Variants in LSAMP observed in about 807,000 individuals in gnomAD.
LSAMP encodes the protein limbic system associated membrane protein, also known as limbic system-associated membrane protein.
In LSAMP, 7 loss-of-function variants were observed where a neutral mutation model predicts 38.6. The ratio of observed to expected loss-of-function variants is 0.18; its 90% CI spans 0.10 to 0.34. LSAMP has a LOEUF of 0.34. Ranked by LOEUF, LSAMP falls within the 10% of genes least tolerant of loss-of-function variation. The pLI is 1.00. For missense variants in LSAMP, 313 were observed against 420.0 expected (o/e 0.75, Z 2.23); for synonymous variants, 154 against 166.8 (o/e 0.92, Z 0.59).
At chr3:116,289,101 G>A (rs1297071886) in intron 1 of LSAMP, among the ~76,000 whole-genome samples, 1 of 152,132 alleles carries the variant, frequency 6.6e-6, no homozygotes, top group African/African-American at 2.4e-5. Flanking sequence ...AAAATTTCAT[G>A]AGAGAAACAA....
chr3:116,086,997 A>C (rs1027343103), intron 1 of LSAMP, among the ~76,000 whole-genome samples: 16 of 152,220 alleles, frequency 1.1e-4, no homozygotes, highest in African/African-American at 3.9e-4. Flanking sequence ...GATTAAAGTT[A>C]TACTCCACCA....
chr3:115,810,410 A>C lies in LSAMP; in HGVS notation c.924T>G (p.Pro308=). Residue 308 remains proline, a synonymous_variant, in exon 7 of 7, where the codon CCT becomes CCG. Transcript: ENST00000490035. ...VTNASLVLFR[P]GSVRGINGSI... ...ATCCATTTATTCCTCTCACCGACCC[A>C]GGTCCTGCAGAGCAAAAGAGGAGAG... 6.2e-7 allele frequency: 1 copy of C among 1,610,942 alleles called. No individual in the cohort carries two copies. The highest frequency in any genetic ancestry group is 8.5e-7 in the Non-Finnish European group (1 of 1,177,520).
chr3:116,241,193 CT>C (rs945490024), intron 1 of LSAMP, among the ~76,000 whole-genome samples: 1 of 149,830 alleles, frequency 6.7e-6, no homozygotes, highest in Non-Finnish European at 1.5e-5. Context: ...AAAAAAAAAA[CT>C]TGCAGATATT....
At chr3:115,977,580 A>G (rs778359082) in intron 3 of LSAMP, among the ~76,000 whole-genome samples, 4 of 152,036 alleles carry the variant, frequency 2.6e-5, no homozygotes, top group Non-Finnish European at 4.4e-5. Flanking sequence ...CACATACTCC[A>G]CCAGCTGGTA....
At position 115,917,441 on chromosome 3, in the gene LSAMP, A is replaced by G. The variant is rs571890588; in HGVS notation, c.515-64824T>C. On this transcript the variant is annotated intron_variant, in intron 3 of 6. Coordinates refer to ENST00000490035, the MANE Select transcript of LSAMP (RefSeq NM_002338.5). ...GATTTCCTCTTTATCACTTTTCCAG[A>G]GGTAGCTCCATTACCACCCCTGATT... Among the ~76,000 whole-genome samples the G allele has an allele frequency of 4.6e-5, 7 of 152,312 alleles. No individual in the cohort carries two copies. In the South Asian group the frequency reaches 1.5e-3, roughly 32 times the overall value.
intron 2 of LSAMP, among the ~76,000 whole-genome samples, chr3:116,083,261 C>A (rs1456549206): frequency 1.3e-5 from 2 of 152,136 alleles, no homozygotes; most frequent in Non-Finnish European, 2.9e-5. Context: ...TATTTGTCAT[C>A]ATCATCAACA....
chr3:116,175,878 A>G (rs1202117430), intron 1 of LSAMP, among the ~76,000 whole-genome samples: 2 of 152,162 alleles, frequency 1.3e-5, no homozygotes, highest in African/African-American at 4.8e-5. Flanking sequence ...AGTAAATCCA[A>G]TGAAAACTCA....
chr3:115,855,657 C>T (rs1935484307), intron 3 of LSAMP, among the ~76,000 whole-genome samples: 1 of 152,204 alleles, frequency 6.6e-6, no homozygotes, highest in Admixed American at 6.5e-5. Flanking sequence ...CAACCAATCT[C>T]ATCCAACAAT....
intron 3 of LSAMP, among the ~76,000 whole-genome samples, chr3:115,992,747 AAG>A (rs1219747103): frequency 5.3e-5 from 8 of 152,124 alleles, no homozygotes; most frequent in African/African-American, 1.7e-4. Context: ...ATTTAATAAA[AAG>A]TAAATTTATG....
At chr3:116,358,237 T>C (rs1168080847) in intron 1 of LSAMP, among the ~76,000 whole-genome samples, 1 of 152,216 alleles carries the variant, frequency 6.6e-6, no homozygotes, top group Non-Finnish European at 1.5e-5. Flanking sequence ...AAAAGAATTC[T>C]AGCAGGCCAA....
At chr3:116,250,895 C>T (rs1346751099) in intron 1 of LSAMP, among the ~76,000 whole-genome samples, 1 of 151,864 alleles carries the variant, frequency 6.6e-6, no homozygotes, top group East Asian at 1.9e-4. Flanking sequence ...TTGGGGGGAA[C>T]AAAAGAAAGC....
intron 1 of LSAMP, among the ~76,000 whole-genome samples, chr3:116,233,400 G>A (rs376726829): frequency 1.1e-4 from 11 of 104,088 alleles, no homozygotes; most frequent in East Asian, 5.7e-4. Context: ...GCGACAGAGC[G>A]AGACTCTGTC....
At chr3:116,275,853 T>A (rs2047044426) in intron 1 of LSAMP, among the ~76,000 whole-genome samples, 1 of 152,336 alleles carries the variant, frequency 6.6e-6, no homozygotes, top group Admixed American at 6.5e-5. Context: ...AGGTAGAAGA[T>A]GTAGTAAGTG....
At chr3:115,946,533 C>A (rs796787783) in intron 3 of LSAMP, among the ~76,000 whole-genome samples, 1 of 152,128 alleles carries the variant, frequency 6.6e-6, no homozygotes, top group African/African-American at 2.4e-5. Context: ...AATTAAAAAA[C>A]CTGAGTGAAA....
chr3:115,916,114 G>A (rs1295767899), intron 3 of LSAMP, among the ~76,000 whole-genome samples: 2 of 151,970 alleles, frequency 1.3e-5, no homozygotes, highest in Admixed American at 1.3e-4. Flanking sequence ...GTCCAACACC[G>A]ATCATTCAAT....
At chr3:116,014,287 C>T (rs1940415746) in intron 3 of LSAMP, among the ~76,000 whole-genome samples, 2 of 152,052 alleles carry the variant, frequency 1.3e-5, no homozygotes, top group South Asian at 4.1e-4. Flanking sequence ...CTTGCTCTTC[C>T]TTGTGTGTTT....
chr3:115,871,714 C>A (rs1936044716), intron 3 of LSAMP, among the ~76,000 whole-genome samples: 1 of 151,880 alleles, frequency 6.6e-6, no homozygotes, highest in Admixed American at 6.6e-5. Flanking sequence ...TGAGGGTTCC[C>A]TATTGCTAGA....
chr3:116,083,423 C>T (rs1707914848), intron 2 of LSAMP, among the ~76,000 whole-genome samples: 1 of 152,112 alleles, frequency 6.6e-6, no homozygotes, highest in South Asian at 2.1e-4. Flanking sequence ...TATGACAAAA[C>T]TGAGCCTTAG....
intron 3 of LSAMP, among the ~76,000 whole-genome samples, chr3:116,007,138 T>C (rs1055640793): frequency 1.3e-5 from 2 of 152,222 alleles, no homozygotes; most frequent in African/African-American, 4.8e-5. Context: ...ATCATCAGAT[T>C]TTAACACTGC....
Sources: allele counts gnomAD v4.1 joint callset (sites outside exome capture counted in the v4.1 genomes callset), GRCh38; gene constraint gnomAD v4.1.1; transcripts MANE v1.5; gene names NCBI Gene and HGNC (gene_info 2026-07-23, HGNC 2026-07-21).